COX7B2: variants seen among roughly 807,000 people sequenced by gnomAD.
COX7B2 encodes cytochrome c oxidase subunit 7B2, mitochondrial.
For missense variants in COX7B2, 109 were observed against 95.9 expected, an observed-to-expected ratio of 1.14 and a Z score of -0.57; for synonymous variants, 37 against 32.1, an observed-to-expected ratio of 1.15 and a Z score of -0.51.
At chr4:46,792,953 A>C (rs73139393) in intron 2 of COX7B2, among the ~76,000 whole-genome samples, 1,960 of 152,324 alleles carry the variant, frequency 0.013, 39 homozygotes, top group African/African-American at 0.045. Context: ...GGATACACCT[A>C]ATCAACCACA....
At chr4:46,753,476 T>G (rs1238131400) in intron 2 of COX7B2, among the ~76,000 whole-genome samples, 6 of 151,752 alleles carry the variant, frequency 4.0e-5, no homozygotes, top group Admixed American at 6.6e-5. Flanking sequence ...GATTCCCTGT[T>G]TAATAAATGG....
At chr4:46,866,778 T>C (rs1285080967) in intron 1 of COX7B2, among the ~76,000 whole-genome samples, 1 of 152,052 alleles carries the variant, frequency 6.6e-6, no homozygotes, top group Non-Finnish European at 1.5e-5. Context: ...TACAACACTA[T>C]TACAAATGTA....
chr4:46,762,464 T>C (rs1445325647), intron 2 of COX7B2, among the ~76,000 whole-genome samples: 2 of 125,528 alleles, frequency 1.6e-5, no homozygotes, highest in Admixed American at 8.9e-5. Flanking sequence ...ATATATAGTA[T>C]ATGTACTATA....
chr4:46,861,726 G>A (rs1015636647), intron 1 of COX7B2, among the ~76,000 whole-genome samples: 5 of 152,174 alleles, frequency 3.3e-5, no homozygotes, highest in African/African-American at 7.2e-5. Flanking sequence ...TGACTTAAGC[G>A]GTGGTTGTAG....
chr4:46,789,683 T>C (rs761259278), intron 2 of COX7B2, among the ~76,000 whole-genome samples: 32 of 152,200 alleles, frequency 2.1e-4, no homozygotes, highest in Non-Finnish European at 3.8e-4. Flanking sequence ...ACTTAATTCC[T>C]AAGTCTTTCA....
intron 2 of COX7B2, among the ~76,000 whole-genome samples, chr4:46,826,093 C>T (rs28790083): frequency 0.11 from 17,284 of 152,064 alleles, 1,091 homozygotes; most frequent in South Asian, 0.22. Flanking sequence ...AACAGACAAA[C>T]TACAGAATGA....
chr4:46,881,004 A>AT (rs1252166397), intron 1 of COX7B2, among the ~76,000 whole-genome samples: 12 of 151,396 alleles, frequency 7.9e-5, no homozygotes, highest in Admixed American at 3.3e-4. Context: ...AAAAAAAAAA[A>AT]AAAAAAACTC....
chr4:46,825,519 T>G (rs1288609572), intron 2 of COX7B2, among the ~76,000 whole-genome samples: 1 of 152,000 alleles, frequency 6.6e-6, no homozygotes, highest in Non-Finnish European at 1.5e-5. Context: ...TTCACAGAAC[T>G]AGAAAAAAAC....
intron 2 of COX7B2, among the ~76,000 whole-genome samples, chr4:46,841,932 A>G (rs980836426): frequency 1.3e-5 from 2 of 152,028 alleles, no homozygotes; most frequent in African/African-American, 4.8e-5. Context: ...GTAATTAGAC[A>G]CTTAAATTGA....
chr4:46,855,240 C>A (rs902693377), intron 1 of COX7B2, among the ~76,000 whole-genome samples: 3 of 152,008 alleles, frequency 2.0e-5, no homozygotes, highest in Non-Finnish European at 4.4e-5. Flanking sequence ...AGCAGGAAAT[C>A]GCTTGAACCC....
chr4:46,875,934 C>CT (rs1219990267), intron 1 of COX7B2, among the ~76,000 whole-genome samples: 5 of 152,090 alleles, frequency 3.3e-5, no homozygotes, highest in African/African-American at 4.8e-5. Flanking sequence ...TTACTTTTCT[C>CT]TGAGTTTATA....
intron 2 of COX7B2, among the ~76,000 whole-genome samples, chr4:46,811,272 G>T (rs2109662143): frequency 6.6e-6 from 1 of 151,070 alleles, no homozygotes; most frequent in East Asian, 1.9e-4. Flanking sequence ...ATGTTTTTGG[G>T]GACTCCAATA....
chr4:46,880,674 TTC>T (rs1718659918), intron 1 of COX7B2, among the ~76,000 whole-genome samples: 1 of 151,714 alleles, frequency 6.6e-6, no homozygotes, highest in Non-Finnish European at 1.5e-5. Flanking sequence ...TATTTGGATC[TTC>T]TCTCTTTTGT....
At chr4:46,779,709 T>C (rs1717340133) in intron 2 of COX7B2, among the ~76,000 whole-genome samples, 1 of 151,840 alleles carries the variant, frequency 6.6e-6, no homozygotes, top group Non-Finnish European at 1.5e-5. Context: ...GTCTTTTTGA[T>C]AGCTGTCATT....
At chr4:46,858,700 G>A (rs915080525) in intron 1 of COX7B2, among the ~76,000 whole-genome samples, 4 of 151,360 alleles carry the variant, frequency 2.6e-5, no homozygotes, top group African/African-American at 4.8e-5. Flanking sequence ...TGAATGCTGC[G>A]TGTGTGTGTG....
At chr4:46,784,861 A>G (rs914493251) in intron 2 of COX7B2, among the ~76,000 whole-genome samples, 1 of 152,244 alleles carries the variant, frequency 6.6e-6, no homozygotes, top group Non-Finnish European at 1.5e-5. Flanking sequence ...AAAATACTAA[A>G]TATCATCACA....
chr4:46,868,216 T>A (rs1163902654), intron 1 of COX7B2, among the ~76,000 whole-genome samples: 1 of 152,196 alleles, frequency 6.6e-6, no homozygotes, highest in Non-Finnish European at 1.5e-5. Context: ...GTGGGGTCAG[T>A]GGTAACATTC....
At chr4:46,784,040 CACT>C (rs1389439129) in intron 2 of COX7B2, among the ~76,000 whole-genome samples, 1 of 152,126 alleles carries the variant, frequency 6.6e-6, no homozygotes, top group African/African-American at 2.4e-5. Flanking sequence ...AGCTCTAACT[CACT>C]TGTTTTAGGT....
chr4:46,828,442 T>C (rs1317647199), intron 2 of COX7B2, among the ~76,000 whole-genome samples: 1 of 152,138 alleles, frequency 6.6e-6, no homozygotes, highest in African/African-American at 2.4e-5. Flanking sequence ...ATAGGGAAAT[T>C]AAGCTGCTGG....
Sources: gnomAD v4.1 joint callset for allele counts (sites outside exome capture counted in the v4.1 genomes callset) on GRCh38, gnomAD v4.1.1 for gene constraint, MANE v1.5 for transcripts, NCBI Gene and HGNC (gene_info 2026-07-23, HGNC 2026-07-21) for gene names.